The following EYA2 variants were observed in gnomAD, a reference collection of about 807,000 sequenced individuals.
EYA2 encodes EYA transcriptional coactivator and phosphatase 2, also known as protein phosphatase EYA2.
EYA2 carries 31 observed loss-of-function variants against 69.2 expected under a neutral mutation model. The ratio of observed to expected loss-of-function variants is 0.45; its 90% CI spans 0.34 to 0.60. EYA2 has a LOEUF of 0.60. Among genes scored for constraint, EYA2 ranks in the 20% least tolerant of loss-of-function variants. The probability of loss-of-function intolerance (pLI) is 0.02; values close to 1 mark genes in which losing one functional copy is unlikely to be tolerated. For synonymous variants in EYA2, 257 were observed against 279.4 expected (o/e 0.92, Z 0.80); for missense variants, 622 against 701.2 (o/e 0.89, Z 1.28).
At chr20:46,958,067 T>C (rs1032667355) in intron 1 of EYA2, among the ~76,000 whole-genome samples, 1 of 152,146 alleles carries the variant, frequency 6.6e-6, no homozygotes, top group African/African-American at 2.4e-5. Flanking sequence ...CTAAGACTTA[T>C]CACCATGGCT....
intron 8 of EYA2, among the ~76,000 whole-genome samples, chr20:47,092,482 C>G (rs549668996): frequency 2.6e-5 from 4 of 152,260 alleles, no homozygotes; most frequent in African/African-American, 9.6e-5. Flanking sequence ...TCCCATATTC[C>G]TAGAATCTCC....
chr20:46,979,407 T>G (rs1040614839), intron 1 of EYA2: 1 of 152,254 alleles, frequency 6.6e-6, no homozygotes, highest in African/African-American at 2.4e-5. Context: ...TTCCCGCTCC[T>G]TCAGGCTGTC....
At chr20:46,943,181 G>A (rs6094522) in intron 1 of EYA2, among the ~76,000 whole-genome samples, 21,726 of 152,144 alleles carry the variant, frequency 0.14, 1,852 homozygotes, top group East Asian at 0.4. Context: ...GAGGGGAGGC[G>A]TGCTGCGGGC....
intron 5 of EYA2, among the ~76,000 whole-genome samples, chr20:47,065,788 C>T (rs1014385723): frequency 2.0e-5 from 3 of 152,292 alleles, no homozygotes; most frequent in African/African-American, 7.2e-5. Context: ...TGTGAGCAGG[C>T]ACCAATCTGC....
intron 10 of EYA2, among the ~76,000 whole-genome samples, chr20:47,164,847 A>G (rs542198590): frequency 2.1e-4 from 32 of 152,318 alleles, no homozygotes; most frequent in African/African-American, 7.7e-4. Context: ...AAGTTTACAT[A>G]TTGCCCATTG....
chr20:47,171,603 C>G, intron 11 of EYA2, among the ~76,000 whole-genome samples: 1 of 152,068 alleles, frequency 6.6e-6, no homozygotes, highest in South Asian at 2.1e-4. Context: ...GCAATTGGCC[C>G]AAACTCACAT....
In EYA2 at chr20:46,983,038, G is replaced by A. The variant is rs145158977; in HGVS notation, c.-10-6963G>A. Among the ~76,000 whole-genome samples, 1,391 of 152,256 alleles carry A rather than the reference G, an allele frequency of 9.1e-3. 17 individuals carry two copies. Among genetic ancestry groups the A allele is most frequent in the Non-Finnish European group, 0.015 (996 of 68,020 alleles). The stretch of plus-strand genomic sequence containing the variant: ...TCCACCTGCCTTGGACTCCCAAAGT[G>A]CTGGGATTACAGATGTGAGCCACCA... On this transcript the variant is annotated intron_variant, in intron 1 of 15. Transcript: ENST00000327619.
At chr20:47,165,754 G>A (rs796380894) in intron 10 of EYA2, among the ~76,000 whole-genome samples, 17 of 152,194 alleles carry the variant, frequency 1.1e-4, no homozygotes, top group African/African-American at 3.4e-4. Context: ...TCAAGGGGCT[G>A]GAGAGGGACC....
At chr20:47,016,071 A>T in intron 4 of EYA2, 110 bp from the exon 5 acceptor site, 2 of 798,964 alleles carry the variant, frequency 2.5e-6, no homozygotes, top group Non-Finnish European at 4.4e-6. Flanking sequence ...CCTCATTTGG[A>T]AGCTGATAAA....
intron 2 of EYA2, among the ~76,000 whole-genome samples, chr20:47,000,179 ATAAT>A (rs1045635386): frequency 7.2e-5 from 11 of 152,244 alleles, no homozygotes; most frequent in African/African-American, 2.7e-4. Context: ...GAGGATTAAA[ATAAT>A]TAATCCAGGT....
intron 1 of EYA2, among the ~76,000 whole-genome samples, chr20:46,915,456 A>G (rs1440380159): frequency 1.3e-5 from 2 of 152,154 alleles, no homozygotes; most frequent in Non-Finnish European, 2.9e-5. Flanking sequence ...TTTGCATTAT[A>G]CAGGTGGGGA....
chr20:47,008,364 C>T (rs961386845), intron 4 of EYA2, among the ~76,000 whole-genome samples: 16 of 152,166 alleles, frequency 1.1e-4, no homozygotes, highest in South Asian at 4.1e-4. Context: ...CTCTGGACCC[C>T]GAGCCCTCAC....
At chr20:47,168,511 C>T (rs994585105) in intron 10 of EYA2, among the ~76,000 whole-genome samples, 53 of 152,144 alleles carry the variant, frequency 3.5e-4, no homozygotes, top group African/African-American at 1.3e-3. Context: ...TCTTGTCCCA[C>T]AGAGAGAGGT....
At chr20:46,975,845 G>A (rs1980427430) in intron 1 of EYA2, among the ~76,000 whole-genome samples, 2 of 152,162 alleles carry the variant, frequency 1.3e-5, no homozygotes, top group Non-Finnish European at 2.9e-5. Context: ...AACCCAGGAG[G>A]AAGTAGAGTA....
chr20:47,080,398 C>T (rs888761573), intron 7 of EYA2, among the ~76,000 whole-genome samples: 16 of 138,156 alleles, frequency 1.2e-4, no homozygotes, highest in Non-Finnish European at 1.8e-4. Context: ...GACACAATTA[C>T]CACAGGTATC....
rs765874138 is a variant in EYA2 at position 47,186,348 on chromosome 20, CTTTTTT to C, written c.1537-1682_1537-1677del. On this transcript the variant is annotated intron_variant, in intron 15 of 15. Coordinates refer to ENST00000327619, the MANE Select transcript of EYA2 (RefSeq NM_005244.5). Reference sequence around the variant, plus strand: ...ACCTGCTAACTATGAAGCACTTATTCTTTTTTTTTTTTTTTTTTTTTTTTTTTTGAG... The same window carrying C: ...ACCTGCTAACTATGAAGCACTTATTCTTTTTTTTTTTTTTTTTTTTTTGAG... 6.2e-3 allele frequency among the ~76,000 whole-genome samples: 447 copies of C among 72,224 alleles called. 4 individuals carry two copies. In the East Asian group the frequency reaches 0.062, roughly 10 times the overall value. The allele number at this position is 72,224 out of a possible 152,430, so 47.4% of individuals were successfully genotyped here.
intron 1 of EYA2, among the ~76,000 whole-genome samples, chr20:46,904,715 T>C (rs565499120): frequency 6.6e-6 from 1 of 152,318 alleles, no homozygotes; most frequent in African/African-American, 2.4e-5. Context: ...GCACGGCCCC[T>C]CCCAACCCTG....
chr20:47,039,773 A>AT (rs1984933299), intron 5 of EYA2, among the ~76,000 whole-genome samples: 1 of 117,670 alleles, frequency 8.5e-6, no homozygotes, highest in African/African-American at 3.3e-5. Flanking sequence ...ACTGTGGGAT[A>AT]TTTTTTCGTT....
intron 5 of EYA2, among the ~76,000 whole-genome samples, chr20:47,041,885 T>C (rs1985091687): frequency 1.3e-5 from 2 of 152,164 alleles, no homozygotes; most frequent in Admixed American, 6.5e-5. Context: ...AGTAAATTCA[T>C]TTTAAAAGCC....
Sources: allele counts gnomAD v4.1 joint callset (sites outside exome capture counted in the v4.1 genomes callset), GRCh38; gene constraint gnomAD v4.1.1; transcripts MANE v1.5; gene names NCBI Gene and HGNC (gene_info 2026-07-23, HGNC 2026-07-21).